Variants in PRUNE2 observed in about 807,000 individuals in gnomAD.
PRUNE2 encodes the protein protein prune homolog 2.
PRUNE2 carries 164 observed loss-of-function variants against 252.0 expected under a neutral mutation model. That is an observed-to-expected ratio of 0.65 (90% CI 0.57 to 0.74). PRUNE2 has a LOEUF of 0.74. Among genes scored for constraint, PRUNE2 ranks in the 30% least tolerant of loss-of-function variants. The pLI, the probability that PRUNE2 is intolerant of heterozygous loss-of-function variation, is 0.00. For synonymous variants in PRUNE2, 1,292 were observed against 1,350.2 expected (o/e 0.96, Z 0.94); for missense variants, 3,495 against 3,711.0 (o/e 0.94, Z 1.51).
At chr9:76,713,787 A>C in intron 6 of PRUNE2, 66 bp from the exon 7 acceptor site, 4 of 1,176,138 alleles carry the variant, frequency 3.4e-6, no homozygotes, top group Non-Finnish European at 4.9e-6. Flanking sequence ...TTGTTCCACA[A>C]ATTTGTCCAG....
At chr9:76,852,810 A>G (rs1384097094) in intron 2 of PRUNE2, among the ~76,000 whole-genome samples, 143 of 33,608 alleles carry the variant, frequency 4.3e-3, no homozygotes, top group Middle Eastern at 0.02. Context: ...CTGTCTGTCT[A>G]TCTATCTATC....
chr9:76,847,956 A>T (rs1315227247), intron 3 of PRUNE2, among the ~76,000 whole-genome samples: 3 of 152,072 alleles, frequency 2.0e-5, no homozygotes, highest in Non-Finnish European at 2.9e-5. Flanking sequence ...GTCTCTTTGT[A>T]TTTGCTGGTT....
At chr9:76,718,247 G>C (rs1199831536) in intron 6 of PRUNE2, among the ~76,000 whole-genome samples, 11 of 152,164 alleles carry the variant, frequency 7.2e-5, no homozygotes, top group African/African-American at 9.7e-5. Context: ...GGTAGCTTCA[G>C]TGCATCGTGT....
intron 1 of PRUNE2, among the ~76,000 whole-genome samples, chr9:76,876,393 ACTGACCCTTTTTGGGGGCC>A (rs1274592229): frequency 1.3e-5 from 2 of 152,128 alleles, no homozygotes; most frequent in East Asian, 3.9e-4. Flanking sequence ...TGCTCACAAT[ACTGACCCTTTTTGGGGGCC>A]AGATTCCCCT....
At chr9:76,853,767 C>A (rs2060093511) in intron 2 of PRUNE2, among the ~76,000 whole-genome samples, 1 of 152,192 alleles carries the variant, frequency 6.6e-6, no homozygotes, top group African/African-American at 2.4e-5. Flanking sequence ...CAAAGGAAAA[C>A]AAGAAATCTG....
chr9:76,650,741 C>A (rs1162724696), intron 11 of PRUNE2, among the ~76,000 whole-genome samples: 1 of 152,178 alleles, frequency 6.6e-6, no homozygotes, highest in Non-Finnish European at 1.5e-5. Context: ...TTCAACACAG[C>A]TATGTTAACT....
chr9:76,722,795 C>T lies in PRUNE2; in HGVS notation c.757-9074G>A, dbSNP rs191016423. ...AACTGATGCCACCCAGCTCACAGCT[C>T]GTATGTGGGACAAATGGGACTTAAA... On this transcript the variant is annotated intron_variant, in intron 6 of 18. Transcript: ENST00000376718. Among the ~76,000 whole-genome samples, 3 of 152,226 alleles carry T rather than the reference C, an allele frequency of 2.0e-5. No individual in the cohort carries two copies. The East Asian group carries it at 5.8e-4, about 29-fold the overall frequency.
intron 11 of PRUNE2, 193 bp from the exon 12 acceptor site, chr9:76,645,102 T>C (rs1333867355): frequency 5.7e-6 from 3 of 524,148 alleles, no homozygotes; most frequent in African/African-American, 1.9e-5. Context: ...CCTGACCATA[T>C]AAAGTACACT....
At chr9:76,785,376 A>G (rs1322283073) in intron 6 of PRUNE2, 3 of 152,242 alleles carry the variant, frequency 2.0e-5, no homozygotes, top group Admixed American at 6.5e-5. Context: ...ATGAAATGCA[A>G]GAGCCACAGA....
intron 10 of PRUNE2, among the ~76,000 whole-genome samples, chr9:76,654,173 G>A (rs1212252537): frequency 6.6e-6 from 1 of 152,174 alleles, no homozygotes; most frequent in East Asian, 1.9e-4. Flanking sequence ...CAGTGTGAGA[G>A]CAGAGTAGGA....
At chr9:76,864,580 A>G (rs1210423938) in intron 1 of PRUNE2, among the ~76,000 whole-genome samples, 1 of 152,170 alleles carries the variant, frequency 6.6e-6, no homozygotes, top group Non-Finnish European at 1.5e-5. Context: ...AGAATGATAA[A>G]AGGCAAATAA....
At chr9:76,825,958 G>C (rs755964924) in intron 5 of PRUNE2, among the ~76,000 whole-genome samples, 9 of 152,092 alleles carry the variant, frequency 5.9e-5, no homozygotes, top group Non-Finnish European at 1.2e-4. Context: ...GCTTGATATT[G>C]CTCCTTCCAT....
intron 6 of PRUNE2, chr9:76,739,568 A>C (rs1385854087): frequency 2.0e-5 from 3 of 152,010 alleles, no homozygotes; most frequent in African/African-American, 7.3e-5. Flanking sequence ...GAAAGGTAAA[A>C]TGGTGCTTAT....
chr9:76,673,726 C>T (rs1165783993), intron 9 of PRUNE2, among the ~76,000 whole-genome samples: 1 of 147,462 alleles, frequency 6.8e-6, no homozygotes, highest in Non-Finnish European at 1.5e-5. Flanking sequence ...GGGCTTCATC[C>T]CTGGGATGCA....
chr9:76,826,227 A>C (rs2058336004), intron 5 of PRUNE2, among the ~76,000 whole-genome samples: 1 of 152,184 alleles, frequency 6.6e-6, no homozygotes, highest in Admixed American at 6.5e-5. Flanking sequence ...TAATCCCAGC[A>C]CTTTGGGAGG....
chr9:76,734,332 A>T (rs1005427746), intron 6 of PRUNE2, among the ~76,000 whole-genome samples: 3 of 152,204 alleles, frequency 2.0e-5, no homozygotes, highest in African/African-American at 4.8e-5. Flanking sequence ...GCACAAAAAA[A>T]GTTTAAATTT....
chr9:76,788,739 A>C (rs2055272099), intron 6 of PRUNE2, among the ~76,000 whole-genome samples: 1 of 152,204 alleles, frequency 6.6e-6, no homozygotes, highest in Non-Finnish European at 1.5e-5. Flanking sequence ...TCTTATAAGA[A>C]GAGAGAGAGA....
chr9:76,823,802 A>C (rs1156645096), intron 5 of PRUNE2, 76 bp from the exon 6 acceptor site: 8 of 834,956 alleles, frequency 9.6e-6, no homozygotes, highest in Non-Finnish European at 1.6e-5. Context: ...CGATGTTTTG[A>C]AGAATTTACT....
intron 2 of PRUNE2, among the ~76,000 whole-genome samples, chr9:76,853,414 C>A (rs116288740): frequency 0.011 from 1,623 of 152,188 alleles, 37 homozygotes; most frequent in African/African-American, 0.038. Flanking sequence ...TTAGGCTTTA[C>A]GTTAATAAAA....
Sources: allele counts gnomAD v4.1 joint callset (sites outside exome capture counted in the v4.1 genomes callset), GRCh38; gene constraint gnomAD v4.1.1; transcripts MANE v1.5; gene names NCBI Gene and HGNC (gene_info 2026-07-23, HGNC 2026-07-21).